The following RGS22 variants were observed in gnomAD, a reference collection of about 807,000 sequenced individuals.
The protein encoded by RGS22 is regulator of G protein signaling 22.
In RGS22, 148 loss-of-function variants were observed where a neutral mutation model predicts 172.9. The ratio of observed to expected loss-of-function variants is 0.86; its 90% CI spans 0.75 to 0.98. The LOEUF (loss-of-function observed/expected upper bound fraction) is 0.98. Ranked by LOEUF, RGS22 falls within the 50% of genes least tolerant of loss-of-function variation. The pLI is 0.00. For missense variants in RGS22, 1,347 were observed against 1,440.8 expected, an observed-to-expected ratio of 0.93 and a Z score of 1.05; for synonymous variants, 458 against 480.2, an observed-to-expected ratio of 0.95 and a Z score of 0.60.
intron 2 of RGS22, among the ~76,000 whole-genome samples, chr8:100,098,491 G>A (rs2514706): frequency 0.67 from 101,154 of 152,100 alleles, 34,570 homozygotes; most frequent in African/African-American, 0.83. Context: ...CCAAAAGCCC[G>A]CATATCAGAT....
chr8:100,017,776 CTGAT>C (rs1213444263), intron 14 of RGS22, among the ~76,000 whole-genome samples: 2 of 152,078 alleles, frequency 1.3e-5, no homozygotes, highest in Non-Finnish European at 2.9e-5. Context: ...ATAATATAGT[CTGAT>C]TATGGGTTAG....
At chr8:99,994,918 A>C (rs1814187195) in intron 20 of RGS22, among the ~76,000 whole-genome samples, 1 of 152,224 alleles carries the variant, frequency 6.6e-6, no homozygotes, top group African/African-American at 2.4e-5. Context: ...CAAAATAGAG[A>C]TATAGACCAA....
At chr8:100,095,342 C>T (rs1394290886) in intron 2 of RGS22, among the ~76,000 whole-genome samples, 2 of 152,080 alleles carry the variant, frequency 1.3e-5, no homozygotes, top group Admixed American at 1.3e-4. Flanking sequence ...TGCCACCGTG[C>T]CCAGCTAATT....
intron 21 of RGS22, among the ~76,000 whole-genome samples, chr8:99,982,623 G>A (rs1812666716): frequency 6.6e-6 from 1 of 152,166 alleles, no homozygotes; most frequent in South Asian, 2.1e-4. Context: ...GGATATAAAA[G>A]CTTTCCCGTC....
At chr8:100,006,665 G>C (rs1453605928) in intron 15 of RGS22, among the ~76,000 whole-genome samples, 1 of 152,184 alleles carries the variant, frequency 6.6e-6, no homozygotes, top group South Asian at 2.1e-4. Flanking sequence ...AAATCAGCTT[G>C]GCTGAAGAGC....
intron 23 of RGS22, among the ~76,000 whole-genome samples, chr8:99,966,938 T>C (rs1233078053): frequency 6.6e-6 from 1 of 152,218 alleles, no homozygotes; most frequent in African/African-American, 2.4e-5. Context: ...TCTGGCAAGA[T>C]GGCTGAATAG....
intron 22 of RGS22, among the ~76,000 whole-genome samples, chr8:99,980,809 G>A (rs769297077): frequency 6.6e-5 from 10 of 152,152 alleles, no homozygotes; most frequent in African/African-American, 9.7e-5. Flanking sequence ...CTTTGGTATC[G>A]ATGGGTAAGT....
intron 3 of RGS22, among the ~76,000 whole-genome samples, chr8:100,081,909 CTTTT>C (rs201340859): frequency 8.8e-5 from 11 of 125,360 alleles, no homozygotes; most frequent in Non-Finnish European, 1.6e-4. Context: ...TATTGTTTTC[CTTTT>C]TTTTTTTTTT....
intron 7 of RGS22, among the ~76,000 whole-genome samples, chr8:100,064,808 T>C (rs1810424129): frequency 6.6e-6 from 1 of 152,234 alleles, no homozygotes; most frequent in African/African-American, 2.4e-5. Flanking sequence ...ATTGAGACCA[T>C]GTATGAACAG....
chr8:100,094,159 G>C (rs988869440), intron 2 of RGS22, among the ~76,000 whole-genome samples: 1 of 152,096 alleles, frequency 6.6e-6, no homozygotes, highest in African/African-American at 2.4e-5. Flanking sequence ...TGGCAAAATT[G>C]AAAAGCCACT....
At chr8:100,069,218 A>G (rs951305201) in intron 6 of RGS22, among the ~76,000 whole-genome samples, 55 of 152,300 alleles carry the variant, frequency 3.6e-4, no homozygotes, top group African/African-American at 1.1e-3. Flanking sequence ...AAAGTGCCTT[A>G]TTTGCAAGTT....
intron 14 of RGS22, among the ~76,000 whole-genome samples, chr8:100,009,734 T>C (rs1179833390): frequency 6.6e-6 from 1 of 152,230 alleles, no homozygotes; most frequent in Non-Finnish European, 1.5e-5. Context: ...GATACAGATA[T>C]AAATTTGTAC....
intron 15 of RGS22, 107 bp from the exon 16 acceptor site, chr8:100,006,216 G>A: frequency 1.2e-6 from 1 of 828,790 alleles, no homozygotes; most frequent in East Asian, 2.7e-5. Context: ...TATTTTCAAA[G>A]CAAAAGCAGG....
chr8:100,004,400 A>G (rs184836795), intron 16 of RGS22, among the ~76,000 whole-genome samples: 1 of 152,066 alleles, frequency 6.6e-6, no homozygotes, highest in South Asian at 2.1e-4. Context: ...GTATAGAAGT[A>G]AAATGTCTTT....
intron 14 of RGS22, among the ~76,000 whole-genome samples, chr8:100,012,978 ATTTTTTTT>A (rs35339430): frequency 7.7e-4 from 68 of 88,744 alleles, no homozygotes; most frequent in African/African-American, 2.8e-3. Flanking sequence ...AACGCCTTTG[ATTTTTTTT>A]TTTTTTTTTT....
intron 6 of RGS22, 110 bp downstream of exon 6, chr8:100,071,259 G>T: frequency 3.1e-6 from 3 of 962,168 alleles, no homozygotes; most frequent in Non-Finnish European, 1.5e-6. Flanking sequence ...CTGCACTCCA[G>T]CCTGGTGACA....
intron 10 of RGS22, among the ~76,000 whole-genome samples, chr8:100,048,609 G>T (rs1017280541): frequency 2.0e-5 from 3 of 151,738 alleles, no homozygotes; most frequent in Admixed American, 6.6e-5. Flanking sequence ...AATTTTTTCA[G>T]AATTCTATAA....
At chr8:99,990,043 T>A (rs976074152) in intron 20 of RGS22, among the ~76,000 whole-genome samples, 2 of 152,196 alleles carry the variant, frequency 1.3e-5, no homozygotes, top group African/African-American at 2.4e-5. Context: ...TATGTTGGAA[T>A]GCACAGCTTG....
At chr8:99,973,912 G>C (rs1021395131) in intron 23 of RGS22, among the ~76,000 whole-genome samples, 1 of 151,738 alleles carries the variant, frequency 6.6e-6, no homozygotes, top group African/African-American at 2.4e-5. Flanking sequence ...CAGATGATGG[G>C]TTGATGGGTG....
Sources: gnomAD v4.1 joint callset for allele counts (sites outside exome capture counted in the v4.1 genomes callset) on GRCh38, gnomAD v4.1.1 for gene constraint, MANE v1.5 for transcripts, NCBI Gene and HGNC (gene_info 2026-07-23, HGNC 2026-07-21) for gene names.